TNNI3K: variants seen among roughly 807,000 people sequenced by gnomAD.
The protein encoded by TNNI3K is serine/threonine-protein kinase TNNI3K.
In TNNI3K, 140 loss-of-function variants were observed where a neutral mutation model predicts 114.5. That is an observed-to-expected ratio of 1.22 (90% CI 1.07 to 1.41). TNNI3K has a LOEUF of 1.41. Among genes scored for constraint, TNNI3K ranks in the 40% most tolerant of loss-of-function variants. The pLI, the probability that TNNI3K is intolerant of heterozygous loss-of-function variation, is 0.00. For missense variants in TNNI3K, 1,125 were observed against 1,007.6 expected, an observed-to-expected ratio of 1.12 and a Z score of -1.58; for synonymous variants, 347 against 347.5, an observed-to-expected ratio of 1.00 and a Z score of 0.02.
At position 74,436,264 on chromosome 1, in the gene TNNI3K, A is replaced by G. The variant is rs1178251555; in HGVS notation, c.1825+132A>G. On this transcript the variant is annotated intron_variant, in intron 18 of 24. Coordinates refer to ENST00000326637, the MANE Select transcript of TNNI3K (RefSeq NM_015978.3). ...TACACTGAACACTGACAGCTATCCT[A>G]CCATAAATCATTCAAATTTCAATGA... The G allele has an allele frequency of 7.9e-6, 10 of 1,268,766 alleles. No homozygotes were observed. In the African/African-American group the frequency reaches 9.2e-5, roughly 12 times the overall value. The allele number at this position is 1,268,766 out of a possible 1,614,324, so 78.6% of individuals were successfully genotyped here.
intron 23 of TNNI3K, among the ~76,000 whole-genome samples, chr1:74,530,671 G>A (rs1646570496): frequency 6.6e-6 from 1 of 151,920 alleles, no homozygotes; most frequent in African/African-American, 2.4e-5. Flanking sequence ...GTGGGAAAAT[G>A]AGGAAGTGAG....
At chr1:74,365,456 G>C (rs78415112) in intron 11 of TNNI3K, among the ~76,000 whole-genome samples, 225 of 152,024 alleles carry the variant, frequency 1.5e-3, no homozygotes, top group African/African-American at 5.3e-3. Context: ...ATTGGGACAG[G>C]GCTTGGGAAT....
intron 17 of TNNI3K, among the ~76,000 whole-genome samples, chr1:74,410,434 A>G (rs1189975685): frequency 6.6e-6 from 1 of 152,180 alleles, no homozygotes; most frequent in African/African-American, 2.4e-5. Context: ...CTCCCTCAAT[A>G]TATGAATCTC....
rs115716476 is a variant in TNNI3K, at chr1:74,454,650, A to G, written c.2012-8791A>G. Among the ~76,000 whole-genome samples the G allele has an allele frequency of 2.0e-3, 311 of 152,250 alleles. 1 individual carries two copies. Among genetic ancestry groups the G allele is most frequent in the African/African-American group, 6.8e-3 (283 of 41,548 alleles). On this transcript the variant is annotated intron_variant, in intron 20 of 24. Transcript: ENST00000326637. ...ACATTTAGGCTGGTTCAAAATCTTT[A>G]CTATTGTTAATTGTGCTGCAGTAAA... is the stretch of plus-strand genomic sequence containing the variant.
intron 20 of TNNI3K, among the ~76,000 whole-genome samples, chr1:74,446,688 T>C (rs1196033268): frequency 2.7e-5 from 4 of 147,026 alleles, no homozygotes; most frequent in Non-Finnish European, 6.0e-5. Flanking sequence ...AACGTTTAAA[T>C]CTTTAATCCA....
intron 24 of TNNI3K, among the ~76,000 whole-genome samples, chr1:74,541,180 G>A (rs193252175): frequency 7.9e-5 from 12 of 152,272 alleles, no homozygotes; most frequent in Admixed American, 3.3e-4. Flanking sequence ...ATTAGATGAA[G>A]TGAGCCTGGG....
intron 17 of TNNI3K, among the ~76,000 whole-genome samples, chr1:74,377,651 G>A (rs954256763): frequency 6.6e-6 from 1 of 151,972 alleles, no homozygotes; most frequent in Non-Finnish European, 1.5e-5. Context: ...TTATAGCCTT[G>A]AATACCCACA....
At chr1:74,239,873 G>C in intron 2 of TNNI3K, 1 of 456,584 alleles carries the variant, frequency 2.2e-6, no homozygotes, top group South Asian at 1.6e-5. Context: ...CTTGATGTGG[G>C]AGAGAGGGGA....
At chr1:74,365,663 C>A (rs1177220729) in intron 11 of TNNI3K, among the ~76,000 whole-genome samples, 2 of 152,060 alleles carry the variant, frequency 1.3e-5, no homozygotes, top group East Asian at 3.9e-4. Flanking sequence ...ACTACATTAT[C>A]TATTCTCTCT....
intron 23 of TNNI3K, among the ~76,000 whole-genome samples, chr1:74,517,851 T>G (rs1266125039): frequency 6.6e-6 from 1 of 152,184 alleles, no homozygotes; most frequent in African/African-American, 2.4e-5. Context: ...CTACCAGAGT[T>G]TCTGATTCAG....
Position 74,387,713 on chromosome 1 carries a change from G to A in TNNI3K, c.1772+17321G>A, listed in dbSNP as rs375330306. Among the ~76,000 whole-genome samples, 6 of 152,310 alleles carry A rather than the reference G, an allele frequency of 3.9e-5. No individual in the cohort carries two copies. The East Asian group carries it at 7.7e-4, about 20-fold the overall frequency. ...TGTGCACTTTGAAGTCGGCGGTATC[G>A]AGGCGTAATCCCAGCTCTGCCACTT... is the stretch of plus-strand genomic sequence containing the variant. On this transcript the variant is annotated intron_variant, in intron 17 of 24. Transcript: ENST00000326637.
At chr1:74,455,293 T>C (rs1461445135) in intron 20 of TNNI3K, among the ~76,000 whole-genome samples, 1 of 152,078 alleles carries the variant, frequency 6.6e-6, no homozygotes, top group Non-Finnish European at 1.5e-5. Context: ...AGGTAAACTA[T>C]GAAGAAGTGA....
intron 17 of TNNI3K, chr1:74,375,546 T>C (rs1313058065): frequency 4.4e-6 from 2 of 454,904 alleles, no homozygotes; most frequent in Non-Finnish European, 8.8e-6. Context: ...CTAAGATCAG[T>C]GCTTGAGATA....
At chr1:74,536,841 A>G (rs1037750724) in intron 23 of TNNI3K, among the ~76,000 whole-genome samples, 4 of 152,156 alleles carry the variant, frequency 2.6e-5, no homozygotes, top group African/African-American at 9.7e-5. Flanking sequence ...TGAATTCCTG[A>G]GGCAGCTGCA....
At chr1:74,414,429 C>G (rs549335699) in intron 17 of TNNI3K, among the ~76,000 whole-genome samples, 3 of 152,260 alleles carry the variant, frequency 2.0e-5, no homozygotes, top group African/African-American at 7.2e-5. Context: ...GATTGTGATT[C>G]TGCTCATGAA....
intron 23 of TNNI3K, among the ~76,000 whole-genome samples, chr1:74,495,141 G>A (rs569717684): frequency 1.3e-5 from 2 of 152,242 alleles, no homozygotes; most frequent in South Asian, 4.1e-4. Context: ...TGACTGTTAT[G>A]GAACTCTGAT....
At chr1:74,307,835 T>G (rs890335705) in intron 5 of TNNI3K, among the ~76,000 whole-genome samples, 1 of 151,998 alleles carries the variant, frequency 6.6e-6, no homozygotes, top group Non-Finnish European at 1.5e-5. Context: ...TGGTAGCACA[T>G]GCCTGTAATC....
intron 10 of TNNI3K, 132 bp downstream of exon 10, chr1:74,353,492 A>T (rs1047922921): frequency 1.2e-5 from 11 of 939,378 alleles, no homozygotes; most frequent in East Asian, 8.0e-5. Flanking sequence ...AACTGCCAGC[A>T]TTTAGAATTG....
At chr1:74,503,001 G>A (rs767347670) in intron 23 of TNNI3K, among the ~76,000 whole-genome samples, 2 of 152,194 alleles carry the variant, frequency 1.3e-5, no homozygotes, top group Non-Finnish European at 2.9e-5. Flanking sequence ...TAGCTTTGAG[G>A]ATAGCTCTAC....
Sources: allele counts gnomAD v4.1 joint callset (sites outside exome capture counted in the v4.1 genomes callset), GRCh38; gene constraint gnomAD v4.1.1; transcripts MANE v1.5; gene names NCBI Gene and HGNC (gene_info 2026-07-23, HGNC 2026-07-21).